CEP63: variants seen among roughly 807,000 people sequenced by gnomAD.
The protein encoded by CEP63 is centrosomal protein 63.
A neutral mutation model predicts 89.1 loss-of-function variants in CEP63; 84 were observed. That is an observed-to-expected ratio of 0.94 (90% CI 0.79 to 1.13). The LOEUF (loss-of-function observed/expected upper bound fraction) is 1.13. Ranked by LOEUF, CEP63 falls within the 50% of genes most tolerant of loss-of-function variation. The pLI is 0.00. For missense variants in CEP63, 838 were observed against 813.3 expected, an observed-to-expected ratio of 1.03 and a Z score of -0.37; for synonymous variants, 267 against 272.5, an observed-to-expected ratio of 0.98 and a Z score of 0.20.
the CEP63 span, among the ~76,000 whole-genome samples, chr3:134,708,906 G>T: frequency 3.3e-5 from 5 of 151,958 alleles, no homozygotes; most frequent in African/African-American, 1.2e-4. Context: ...TAGTGGGGGT[G>T]GGGGAAGATT....
At chr3:134,706,761 G>T in the CEP63 span, among the ~76,000 whole-genome samples, 1 of 152,196 alleles carries the variant, frequency 6.6e-6, no homozygotes, top group Non-Finnish European at 1.5e-5. Context: ...GTTCCTGCTG[G>T]ATGCTCTGAA....
At chr3:134,729,125 A>G in the CEP63 span, among the ~76,000 whole-genome samples, 1 of 152,186 alleles carries the variant, frequency 6.6e-6, no homozygotes, top group Non-Finnish European at 1.5e-5. Context: ...TTTTATAATT[A>G]ATGACTTTTA....
intron 9 of CEP63, 49 bp downstream of exon 9, chr3:134,547,521 T>C: frequency 1.3e-6 from 2 of 1,516,480 alleles, no homozygotes; most frequent in Non-Finnish European, 1.8e-6. Context: ...TTAAAATGAA[T>C]TTTTGATCAT....
the CEP63 span, among the ~76,000 whole-genome samples, chr3:134,618,468 T>C: frequency 6.6e-6 from 1 of 152,160 alleles, no homozygotes; most frequent in African/African-American, 2.4e-5. Context: ...GACTGTTTTC[T>C]GGAGGAACCC....
Position 134,496,428 on chromosome 3 carries a change from A to G in CEP63, c.44+1064A>G, listed in dbSNP as rs550753661. ...TTTAACAGGAGAAAAGGATAGAAAA[A>G]AAAGGGGGGGGGGGCTAAAGAACTA... On this transcript the variant is annotated intron_variant, in intron 2 of 14. Transcript: ENST00000675561. 3.4e-3 allele frequency among the ~76,000 whole-genome samples: 85 copies of G among 25,060 alleles called. 1 individual carries two copies. Among genetic ancestry groups the G allele is most frequent in the African/African-American group, 9.5e-3 (80 of 8,460 alleles). 16.4% of individuals were successfully genotyped at this position (25,060 alleles called of 152,430 possible).
At chr3:134,567,467 C>CAAA (rs61700362), downstream of CEP63, among the ~76,000 whole-genome samples, 213 of 134,044 alleles carry the variant, frequency 1.6e-3, 4 homozygotes, top group African/African-American at 5.4e-3. Context: ...TCACTGTTAC[C>CAAA]AAAAAAAAAA....
At chr3:134,582,636 CAT>C (rs770223210) in intron 10 of CEP63, among the ~76,000 whole-genome samples, 5 of 152,294 alleles carry the variant, frequency 3.3e-5, no homozygotes, top group East Asian at 1.9e-4. Context: ...CCACAATAAA[CAT>C]ATGTGTGCAT....
the CEP63 span, among the ~76,000 whole-genome samples, chr3:134,764,975 A>G: frequency 6.6e-6 from 1 of 152,182 alleles, no homozygotes; most frequent in East Asian, 1.9e-4. Context: ...TTGAGGTCTC[A>G]TTATATGACA....
chr3:134,693,052 C>G, the CEP63 span, among the ~76,000 whole-genome samples: 1 of 152,154 alleles, frequency 6.6e-6, no homozygotes, highest in Admixed American at 6.6e-5. Context: ...CTTTTCTCCC[C>G]CTTTTCTTAA....
the CEP63 span, among the ~76,000 whole-genome samples, chr3:134,664,350 A>T: frequency 6.6e-6 from 1 of 152,230 alleles, no homozygotes; most frequent in Admixed American, 6.5e-5. Context: ...GTGTGCCCTC[A>T]GCACACAGCC....
At chr3:134,636,339 G>A in the CEP63 span, among the ~76,000 whole-genome samples, 1 of 152,178 alleles carries the variant, frequency 6.6e-6, no homozygotes, top group Non-Finnish European at 1.5e-5. Flanking sequence ...CCCAATGAGA[G>A]GTCTTTTGTT....
chr3:134,777,776 G>T, the CEP63 span, among the ~76,000 whole-genome samples: 6 of 151,502 alleles, frequency 4.0e-5, no homozygotes, highest in Admixed American at 3.9e-4. Flanking sequence ...ACTATGCCGG[G>T]CTATTTTTTG....
chr3:134,770,590 A>G, the CEP63 span, among the ~76,000 whole-genome samples: 1 of 152,150 alleles, frequency 6.6e-6, no homozygotes, highest in Non-Finnish European at 1.5e-5. Flanking sequence ...TGATTTTGAA[A>G]CATTAAGCTA....
At chr3:134,745,336 A>G in the CEP63 span, among the ~76,000 whole-genome samples, 2 of 152,210 alleles carry the variant, frequency 1.3e-5, no homozygotes, top group Non-Finnish European at 2.9e-5. Flanking sequence ...CTGAATGGAA[A>G]AGGAATTCCA....
the CEP63 span, among the ~76,000 whole-genome samples, chr3:134,762,904 A>G: frequency 6.6e-6 from 1 of 152,192 alleles, no homozygotes. Flanking sequence ...CTAAAATTTC[A>G]TGACTTGATG....
chr3:134,731,327 C>T, the CEP63 span, among the ~76,000 whole-genome samples: 1 of 152,098 alleles, frequency 6.6e-6, no homozygotes, highest in Non-Finnish European at 1.5e-5. Flanking sequence ...CTCAAGCACA[C>T]AAGAATCAAG....
At chr3:134,714,556 T>C in the CEP63 span, among the ~76,000 whole-genome samples, 26 of 152,176 alleles carry the variant, frequency 1.7e-4, no homozygotes, top group African/African-American at 6.0e-4. Flanking sequence ...TCCAGCTGCA[T>C]GGAGAAATGG....
At chr3:134,753,756 G>GA in the CEP63 span, among the ~76,000 whole-genome samples, 1 of 152,190 alleles carries the variant, frequency 6.6e-6, no homozygotes, top group African/African-American at 2.4e-5. Flanking sequence ...TTCAAATGAG[G>GA]AAAGAAAAGT....
chr3:134,692,220 A>G, the CEP63 span, among the ~76,000 whole-genome samples: 2 of 152,164 alleles, frequency 1.3e-5, no homozygotes, highest in South Asian at 2.1e-4. Flanking sequence ...TTAACTCGTC[A>G]TTTACATTAG....
Sources: allele counts gnomAD v4.1 joint callset (sites outside exome capture counted in the v4.1 genomes callset), GRCh38; gene constraint gnomAD v4.1.1; transcripts MANE v1.5; gene names NCBI Gene and HGNC (gene_info 2026-07-23, HGNC 2026-07-21).